Variants in RALGAPA2 observed in about 807,000 individuals in gnomAD.
RALGAPA2 encodes ral GTPase-activating protein subunit alpha-2.
A neutral mutation model predicts 230.4 loss-of-function variants in RALGAPA2; 139 were observed. The observed-to-expected ratio is 0.60, with a 90% confidence interval of 0.53 to 0.69. The LOEUF (loss-of-function observed/expected upper bound fraction) is 0.69. RALGAPA2 is among the 30% of genes least tolerant of loss of function. The pLI, the probability that RALGAPA2 is intolerant of heterozygous loss-of-function variation, is 0.00. For missense variants in RALGAPA2, 2,163 were observed against 2,276.0 expected (o/e 0.95, Z 1.01); for synonymous variants, 847 against 837.8 (o/e 1.01, Z -0.19).
At chr20:20,704,200 C>A (rs2069509244) in intron 1 of RALGAPA2, among the ~76,000 whole-genome samples, 1 of 152,080 alleles carries the variant, frequency 6.6e-6, no homozygotes, top group Non-Finnish European at 1.5e-5. Flanking sequence ...TTTCAAGTGG[C>A]CTTAGAGGAA....
chr20:20,661,724 G>C (rs1055554086), intron 3 of RALGAPA2, among the ~76,000 whole-genome samples: 4 of 152,142 alleles, frequency 2.6e-5, no homozygotes, highest in African/African-American at 9.6e-5. Context: ...TTCCCCTACC[G>C]AAGACCAAGT....
intron 37 of RALGAPA2, among the ~76,000 whole-genome samples, chr20:20,438,638 C>T (rs191045924): frequency 5.9e-5 from 9 of 152,276 alleles, no homozygotes; most frequent in South Asian, 2.1e-4. Flanking sequence ...CGGGACTGCA[C>T]GCACGCCAAC....
chr20:20,615,671 CA>C, intron 13 of RALGAPA2, among the ~76,000 whole-genome samples: 1 of 152,194 alleles, frequency 6.6e-6, no homozygotes, highest in East Asian at 1.9e-4. Flanking sequence ...TTTAAAACGT[CA>C]AGTTAGAAGC....
At chr20:20,396,459 T>A (rs1314975745) in intron 39 of RALGAPA2, among the ~76,000 whole-genome samples, 1 of 152,170 alleles carries the variant, frequency 6.6e-6, no homozygotes, top group Admixed American at 6.5e-5. Context: ...GGATGGCAGG[T>A]GTTGGTGTCG....
Position 20,511,338 on chromosome 20 carries a change from A to G in RALGAPA2, c.4857-13T>C, listed in dbSNP as rs903400345. 1.9e-6 allele frequency: 3 copies of G among 1,539,890 alleles called. No individual in the cohort carries two copies. The African/African-American group carries it at 4.2e-5, about 21-fold the overall frequency. Reference sequence around the variant, plus strand: ...ATGAAAATTCTTCCTATAAAGAAAAAAGGATGGAAGAAAAACCATGTGATT... The same window carrying G: ...ATGAAAATTCTTCCTATAAAGAAAAGAGGATGGAAGAAAAACCATGTGATT... On this transcript the variant is annotated splice_polypyrimidine_tract_variant and intron_variant, in intron 32 of 39. Coordinates refer to ENST00000202677, the MANE Select transcript of RALGAPA2 (RefSeq NM_020343.4).
chr20:20,577,445 C>T (rs2064855651), intron 20 of RALGAPA2, among the ~76,000 whole-genome samples: 1 of 152,146 alleles, frequency 6.6e-6, no homozygotes, highest in South Asian at 2.1e-4. Context: ...GGAAAACACA[C>T]CTGTAGTTCC....
intron 37 of RALGAPA2, among the ~76,000 whole-genome samples, chr20:20,465,851 C>T (rs1243432826): frequency 1.3e-5 from 2 of 152,186 alleles, no homozygotes; most frequent in African/African-American, 2.4e-5. Flanking sequence ...TATTTTAATA[C>T]CCACAATGGT....
intron 23 of RALGAPA2, among the ~76,000 whole-genome samples, chr20:20,547,885 C>T (rs1160407574): frequency 6.6e-6 from 1 of 152,154 alleles, no homozygotes; most frequent in East Asian, 1.9e-4. Context: ...TACAAATGTG[C>T]ACAACATGTT....
Position 20,653,534 on chromosome 20 carries a change from A to G in RALGAPA2, c.324T>C (p.Ser108=). ...AAAATTTTTAATTGTTCTTACCTATACTCTGGTAATGCCATCGAAAGAAAA... is the reference window on the plus strand; with the variant it reads ...AAAATTTTTAATTGTTCTTACCTATGCTCTGGTAATGCCATCGAAAGAAAA... The part of the protein sequence containing the change: ...ERIFFRWHYQ[S]IGSTLKKLLH... Residue 108 remains serine, a synonymous_variant, in exon 4 of 40, where the codon AGT becomes AGC. Coordinates refer to ENST00000202677, the MANE Select transcript of RALGAPA2 (RefSeq NM_020343.4). 6.7e-7 allele frequency: 1 copy of G among 1,487,898 alleles called. No individual in the cohort carries two copies. The highest frequency in any genetic ancestry group is 9.1e-7 in the Non-Finnish European group (1 of 1,093,524). 92.2% of individuals were successfully genotyped at this position (1,487,898 alleles called of 1,614,324 possible).
At chr20:20,609,465 C>T (rs1467382716) in intron 14 of RALGAPA2, among the ~76,000 whole-genome samples, 4 of 152,064 alleles carry the variant, frequency 2.6e-5, no homozygotes, top group Non-Finnish European at 5.9e-5. Flanking sequence ...GAAGTAATAT[C>T]TGACAAGGTT....
At chr20:20,510,349 T>C (rs1012374865) in intron 33 of RALGAPA2, among the ~76,000 whole-genome samples, 1 of 152,222 alleles carries the variant, frequency 6.6e-6, no homozygotes, top group Non-Finnish European at 1.5e-5. Context: ...TGTACCACCC[T>C]TTAAAAACAT....
intron 37 of RALGAPA2, among the ~76,000 whole-genome samples, chr20:20,451,488 GC>G: frequency 6.6e-6 from 1 of 152,260 alleles, no homozygotes; most frequent in South Asian, 2.1e-4. Context: ...GTGCTCATGT[GC>G]CAGACTGGCT....
At chr20:20,559,745 A>C (rs528582728) in intron 23 of RALGAPA2, among the ~76,000 whole-genome samples, 2 of 152,268 alleles carry the variant, frequency 1.3e-5, no homozygotes, top group South Asian at 4.1e-4. Flanking sequence ...TTTAAAGATA[A>C]AATTCCAGTA....
At chr20:20,393,630 C>T (rs984062064) in intron 39 of RALGAPA2, among the ~76,000 whole-genome samples, 38 of 152,040 alleles carry the variant, frequency 2.5e-4, no homozygotes, top group Non-Finnish European at 1.3e-4. Context: ...CTTCAGAGGC[C>T]GCTCTGCAGA....
intron 24 of RALGAPA2, among the ~76,000 whole-genome samples, chr20:20,545,961 G>C (rs746218843): frequency 2.0e-5 from 3 of 152,208 alleles, no homozygotes; most frequent in South Asian, 4.1e-4. Flanking sequence ...AACTACTCAG[G>C]AGGCTGAGGT....
chr20:20,586,458 C>T (rs1002662403), intron 18 of RALGAPA2, among the ~76,000 whole-genome samples: 18 of 152,158 alleles, frequency 1.2e-4, no homozygotes, highest in African/African-American at 4.1e-4. Flanking sequence ...CATAATAAAA[C>T]ATCACCAAAC....
At chr20:20,580,284 G>A (rs1427453798) in intron 20 of RALGAPA2, among the ~76,000 whole-genome samples, 2 of 152,112 alleles carry the variant, frequency 1.3e-5, no homozygotes, top group East Asian at 1.9e-4. Context: ...ATCAGGGAAG[G>A]ACTGCCACTT....
intron 36 of RALGAPA2, among the ~76,000 whole-genome samples, chr20:20,474,004 G>A (rs1476587543): frequency 6.6e-6 from 1 of 152,128 alleles, no homozygotes; most frequent in African/African-American, 2.4e-5. Flanking sequence ...AGATTTTAGA[G>A]AATAAACAGT....
chr20:20,620,869 G>A (rs567632720), intron 10 of RALGAPA2, among the ~76,000 whole-genome samples: 5 of 152,292 alleles, frequency 3.3e-5, no homozygotes, highest in East Asian at 3.9e-4. Context: ...TAGGCCGGGC[G>A]CAGTGGCTCA....
Sources: allele counts gnomAD v4.1 joint callset (sites outside exome capture counted in the v4.1 genomes callset), GRCh38; gene constraint gnomAD v4.1.1; transcripts MANE v1.5; gene names NCBI Gene and HGNC (gene_info 2026-07-23, HGNC 2026-07-21).